CEP170: variants seen among roughly 807,000 people sequenced by gnomAD.
The protein encoded by CEP170 is centrosomal protein 170.
Under a neutral mutation model 151.9 loss-of-function variants are expected in CEP170, and 21 were observed. The observed-to-expected ratio is 0.14, with a 90% confidence interval of 0.10 to 0.20. CEP170 has a LOEUF of 0.20. Among genes scored for constraint, CEP170 ranks in the 10% least tolerant of loss-of-function variants. The pLI is 1.00. For missense variants in CEP170, 964 were observed against 1,892.9 expected (o/e 0.51, Z 9.11); for synonymous variants, 356 against 648.8 (o/e 0.55, Z 6.86).
chr1:243,212,911 C>T (rs2148919237), intron 3 of CEP170, among the ~76,000 whole-genome samples: 1 of 152,172 alleles, frequency 6.6e-6, no homozygotes, highest in East Asian at 1.9e-4. Flanking sequence ...ATGATATGCC[C>T]ACTTTGGCCT....
chr1:243,153,186 C>T (rs901128364), intron 14 of CEP170, among the ~76,000 whole-genome samples: 3 of 152,078 alleles, frequency 2.0e-5, no homozygotes, highest in African/African-American at 7.2e-5. Flanking sequence ...GCTGCAATCT[C>T]GTGATAAAAC....
At chr1:243,221,891 A>C (rs2062849867) in intron 2 of CEP170, 78 bp from the exon 3 acceptor site, 5 of 1,244,694 alleles carry the variant, frequency 4.0e-6, no homozygotes, top group Non-Finnish European at 5.6e-6. Flanking sequence ...TAGATACCTA[A>C]TATTAATAGG....
chr1:243,203,140 GC>G (rs1251165525), intron 4 of CEP170, among the ~76,000 whole-genome samples: 2 of 152,142 alleles, frequency 1.3e-5, no homozygotes, highest in Non-Finnish European at 2.9e-5. Flanking sequence ...GACTGCTCTA[GC>G]CCCAGCTTTT....
At chr1:243,144,307 C>A (rs1240719639) in intron 14 of CEP170, among the ~76,000 whole-genome samples, 1 of 152,198 alleles carries the variant, frequency 6.6e-6, no homozygotes, top group Non-Finnish European at 1.5e-5. Flanking sequence ...AAATGAGGCA[C>A]AGGAGAAGAC....
intron 10 of CEP170, among the ~76,000 whole-genome samples, chr1:243,181,180 A>G (rs1377003556): frequency 6.6e-6 from 1 of 152,118 alleles, no homozygotes; most frequent in Non-Finnish European, 1.5e-5. Context: ...TTTTGATGGA[A>G]GAGTGGAGAG....
chr1:243,169,108 T>C (rs1412471762), intron 12 of CEP170: 2 of 154,948 alleles, frequency 1.3e-5, no homozygotes, highest in East Asian at 1.9e-4. Flanking sequence ...ACTTGAATAA[T>C]AGCTGCATCA....
At chr1:243,254,622 C>A (rs970191543) in intron 1 of CEP170, among the ~76,000 whole-genome samples, 11 of 152,250 alleles carry the variant, frequency 7.2e-5, no homozygotes, top group African/African-American at 2.7e-4. Context: ...GCAGCGCAGC[C>A]ATTCCCTCCA....
chr1:243,217,862 T>C (rs974337526), intron 3 of CEP170, among the ~76,000 whole-genome samples: 4 of 152,038 alleles, frequency 2.6e-5, no homozygotes, highest in African/African-American at 9.7e-5. Context: ...GATCTTGGAG[T>C]CCAGAAGTGG....
At chr1:243,225,493 GAAGT>G (rs2063152877) in intron 1 of CEP170, among the ~76,000 whole-genome samples, 172 bp from the exon 2 acceptor site, 1 of 152,164 alleles carries the variant, frequency 6.6e-6, no homozygotes, top group South Asian at 2.1e-4. Flanking sequence ...TCTCATCAGT[GAAGT>G]AAGCCCACGG....
chr1:243,235,288 GA>G (rs1380602833), intron 1 of CEP170, among the ~76,000 whole-genome samples: 1 of 152,184 alleles, frequency 6.6e-6, no homozygotes, highest in Non-Finnish European at 1.5e-5. Flanking sequence ...AAATATCTTT[GA>G]GAAACTGACA....
intron 10 of CEP170, among the ~76,000 whole-genome samples, chr1:243,184,098 G>A (rs1475472859): frequency 6.6e-6 from 1 of 151,950 alleles, no homozygotes; most frequent in African/African-American, 2.4e-5. Context: ...ATTCAAATGT[G>A]GAAACTCCTA....
In CEP170 at chr1:243,156,255, G is replaced by C; in HGVS notation, c.3877C>G (p.Arg1293Gly). ...HRIKEQEDYI[R>G]DWTAHREEIA... ...TCTTCTCGATGAGCAGTCCAATCTC[G>C]GATGTAGTCTTCCTGCTCTTTAATC... The change falls in exon 14 of 20, where the codon CGA becomes GGA. Residue 1293 changes from arginine to glycine, a missense_variant. Physicochemically the swap from Arg to Gly is moderately radical, Grantham distance 125 (BLOSUM62 -2). Transcript: ENST00000366542. The C allele has an allele frequency of 1.3e-6, 2 of 1,589,630 alleles. No homozygotes were observed. The highest frequency in any genetic ancestry group is 2.3e-5 in the South Asian group (2 of 87,468).
intron 14 of CEP170, among the ~76,000 whole-genome samples, chr1:243,154,744 T>C (rs1459006864): frequency 6.6e-6 from 1 of 152,174 alleles, no homozygotes; most frequent in African/African-American, 2.4e-5. Flanking sequence ...CAAGTGAAAA[T>C]ACAGTGTATA....
intron 8 of CEP170, among the ~76,000 whole-genome samples, chr1:243,190,637 T>A (rs1389047997): frequency 6.6e-6 from 1 of 152,212 alleles, no homozygotes; most frequent in Admixed American, 6.5e-5. Flanking sequence ...TTTCAGAATC[T>A]AGATATTGAT....
At chr1:243,199,640 A>G (rs1270580679) in intron 6 of CEP170, among the ~76,000 whole-genome samples, 5 of 152,150 alleles carry the variant, frequency 3.3e-5, no homozygotes, top group East Asian at 1.9e-4. Flanking sequence ...AGACAAAGCT[A>G]AAGTAAATTT....
intron 6 of CEP170, among the ~76,000 whole-genome samples, 180 bp from the exon 7 acceptor site, chr1:243,199,374 G>T (rs1451437669): frequency 6.6e-6 from 1 of 152,042 alleles, no homozygotes; most frequent in African/African-American, 2.4e-5. Context: ...ATACAATGTT[G>T]GACATGACTA....
intron 14 of CEP170, among the ~76,000 whole-genome samples, chr1:243,154,905 TACAGGCACC>T (rs1282890905): frequency 6.6e-6 from 1 of 152,116 alleles, no homozygotes; most frequent in Non-Finnish European, 1.5e-5. Flanking sequence ...CATCTAGACA[TACAGGCACC>T]ACTGGATCTT....
In CEP170 at chr1:243,166,074, C is replaced by T. The variant is rs201085675; in HGVS notation, c.1886G>A (p.Gly629Asp). Residue 629 changes from glycine to aspartate, a missense_variant, in exon 13 of 20, where the codon GGC (glycine) becomes GAC (aspartate). Coordinates refer to ENST00000366542, the MANE Select transcript of CEP170 (RefSeq NM_014812.3). ...CTGGCTAGCCAAGGAAGTTGCAGAG[C>T]CAGTACTTCTCACTGTCATGCCAGA... Reference protein sequence around the residue: ...SESGMTVRSTGSATSLASQGE... With the variant: ...SESGMTVRSTDSATSLASQGE... 226 of 1,612,716 alleles carry T rather than the reference C, an allele frequency of 1.4e-4. No homozygotes were observed. The highest frequency in any genetic ancestry group is 9.9e-4 in the Middle Eastern group (6 of 6,056).
intron 10 of CEP170, among the ~76,000 whole-genome samples, chr1:243,178,426 G>A (rs1003286285): frequency 4.0e-5 from 6 of 149,164 alleles, no homozygotes; most frequent in African/African-American, 1.5e-4. Flanking sequence ...ACCACATATA[G>A]TATGATTCCA....
Sources: gnomAD v4.1 joint callset for allele counts (sites outside exome capture counted in the v4.1 genomes callset) on GRCh38, gnomAD v4.1.1 for gene constraint, MANE v1.5 for transcripts, NCBI Gene and HGNC (gene_info 2026-07-23, HGNC 2026-07-21) for gene names.